The following ZMAT4 variants were observed in gnomAD, a reference collection of about 807,000 sequenced individuals.
ZMAT4 encodes the protein zinc finger matrin-type 4.
Under a neutral mutation model 28.7 loss-of-function variants are expected in ZMAT4, and 17 were observed. The ratio of observed to expected loss-of-function variants is 0.59; its 90% CI spans 0.41 to 0.89. The LOEUF is 0.89. Among genes scored for constraint, ZMAT4 ranks in the 40% least tolerant of loss-of-function variants. The probability of loss-of-function intolerance (pLI) is 0.00; values close to 1 mark genes in which losing one functional copy is unlikely to be tolerated. For synonymous variants in ZMAT4, 117 were observed against 109.2 expected (o/e 1.07, Z -0.44); for missense variants, 240 against 283.8 (o/e 0.85, Z 1.11).
At position 40,783,898 on chromosome 8, in the gene ZMAT4, C is replaced by T. The variant is rs934745395; in HGVS notation, c.103-16168G>A. 1.5e-4 allele frequency among the ~76,000 whole-genome samples: 23 copies of T among 152,142 alleles called. 1 individual carries two copies. On this transcript the variant is annotated intron_variant, in intron 2 of 6. Coordinates refer to ENST00000297737, the MANE Select transcript of ZMAT4 (RefSeq NM_024645.3). ...TGGTGGCAGGTGCCTGTAATCCCAG[C>T]TACTTGGGAGGTTGAGGCAGGAGAA...
At chr8:40,681,479 T>C (rs986003708) in intron 4 of ZMAT4, among the ~76,000 whole-genome samples, 2 of 152,220 alleles carry the variant, frequency 1.3e-5, no homozygotes, top group Non-Finnish European at 2.9e-5. Flanking sequence ...TTAGATTAGA[T>C]CATTCAGTGA....
At chr8:40,644,688 G>T (rs555499236) in intron 5 of ZMAT4, among the ~76,000 whole-genome samples, 2 of 152,202 alleles carry the variant, frequency 1.3e-5, no homozygotes, top group South Asian at 2.1e-4. Context: ...CTTAAGGCTG[G>T]GGTGTGCATA....
At chr8:40,680,919 G>A (rs1338370394) in intron 4 of ZMAT4, among the ~76,000 whole-genome samples, 1 of 152,106 alleles carries the variant, frequency 6.6e-6, no homozygotes, top group South Asian at 2.1e-4. Context: ...TTGATATAGA[G>A]AAATAAAGCC....
At chr8:40,808,643 AC>A in intron 2 of ZMAT4, 1 of 432,932 alleles carries the variant, frequency 2.3e-6, no homozygotes, top group Admixed American at 2.5e-5. Context: ...TTACATGGTC[AC>A]ATTAGACATC....
intron 1 of ZMAT4, among the ~76,000 whole-genome samples, chr8:40,874,954 T>A (rs1817987479): frequency 6.6e-6 from 1 of 152,200 alleles, no homozygotes; most frequent in African/African-American, 2.4e-5. Context: ...CTGTAGCACA[T>A]GGCGCACTCC....
intron 1 of ZMAT4, among the ~76,000 whole-genome samples, chr8:40,887,895 A>G: frequency 6.6e-6 from 1 of 152,128 alleles, no homozygotes; most frequent in East Asian, 1.9e-4. Flanking sequence ...TGTGGAGCCA[A>G]TCTGCCCCTG....
chr8:40,777,881 T>A (rs1813668714), intron 2 of ZMAT4, among the ~76,000 whole-genome samples: 1 of 152,236 alleles, frequency 6.6e-6, no homozygotes, highest in African/African-American at 2.4e-5. Context: ...TATTAGATTA[T>A]CTTTTTACCC....
chr8:40,640,930 G>C (rs563543579), intron 5 of ZMAT4, among the ~76,000 whole-genome samples: 11 of 149,902 alleles, frequency 7.3e-5, no homozygotes, highest in African/African-American at 2.7e-4. Context: ...CTGCACTCCA[G>C]CCTGGTTGAT....
At chr8:40,640,018 C>T (rs759356152) in intron 5 of ZMAT4, among the ~76,000 whole-genome samples, 1 of 152,168 alleles carries the variant, frequency 6.6e-6, no homozygotes, top group Non-Finnish European at 1.5e-5. Context: ...AGGTCTCACT[C>T]TGTCACCCTG....
At chr8:40,743,798 A>C (rs1206056946) in intron 3 of ZMAT4, among the ~76,000 whole-genome samples, 1 of 152,124 alleles carries the variant, frequency 6.6e-6, no homozygotes, top group African/African-American at 2.4e-5. Context: ...TTCTGGAGCC[A>C]CAGATCATGG....
At chr8:40,633,870 T>C (rs1340933133) in intron 5 of ZMAT4, among the ~76,000 whole-genome samples, 1 of 152,220 alleles carries the variant, frequency 6.6e-6, no homozygotes, top group South Asian at 2.1e-4. Flanking sequence ...AGGAGCACCA[T>C]GAAGCTCTGC....
chr8:40,698,770 G>C (rs1810003218), intron 3 of ZMAT4, among the ~76,000 whole-genome samples: 1 of 152,194 alleles, frequency 6.6e-6, no homozygotes, highest in Non-Finnish European at 1.5e-5. Flanking sequence ...ATCCTTGGAA[G>C]GAAGGGGTTG....
intron 5 of ZMAT4, among the ~76,000 whole-genome samples, chr8:40,645,077 C>T (rs193174144): frequency 3.3e-5 from 5 of 152,184 alleles, no homozygotes; most frequent in African/African-American, 1.2e-4. Flanking sequence ...AAAAAGGACA[C>T]TCAGTAAAAA....
At chr8:40,890,834 T>C (rs76855254) in intron 1 of ZMAT4, among the ~76,000 whole-genome samples, 33 of 151,934 alleles carry the variant, frequency 2.2e-4, no homozygotes, top group Admixed American at 6.6e-4. Flanking sequence ...GGATGGAGTT[T>C]TGCTACCGTG....
intron 3 of ZMAT4, among the ~76,000 whole-genome samples, chr8:40,750,927 A>G (rs1231605031): frequency 6.6e-6 from 1 of 152,176 alleles, no homozygotes; most frequent in Non-Finnish European, 1.5e-5. Flanking sequence ...TATTCAAACT[A>G]CCCTAAACAA....
intron 1 of ZMAT4, among the ~76,000 whole-genome samples, chr8:40,862,453 G>A (rs985482161): frequency 5.4e-5 from 8 of 148,210 alleles, no homozygotes; most frequent in Non-Finnish European, 1.2e-4. Context: ...ATAGCATTGG[G>A]AGATATACCT....
At chr8:40,674,080 CT>C (rs59753899) in intron 5 of ZMAT4, among the ~76,000 whole-genome samples, 14,240 of 107,464 alleles carry the variant, frequency 0.13, 518 homozygotes, top group African/African-American at 0.2. Context: ...TTTTTATCAT[CT>C]TTTTTTTTTT....
At chr8:40,867,554 T>A (rs766425437) in intron 1 of ZMAT4, among the ~76,000 whole-genome samples, 1 of 152,170 alleles carries the variant, frequency 6.6e-6, no homozygotes, top group Non-Finnish European at 1.5e-5. Context: ...TAACTCTCTG[T>A]CCTCATTCCT....
At chr8:40,679,453 G>T (rs952037382) in intron 4 of ZMAT4, among the ~76,000 whole-genome samples, 2 of 152,116 alleles carry the variant, frequency 1.3e-5, no homozygotes, top group African/African-American at 4.8e-5. Context: ...GGCTGGGGAG[G>T]CTTCAGGAAA....
Sources: allele counts gnomAD v4.1 joint callset (sites outside exome capture counted in the v4.1 genomes callset), GRCh38; gene constraint gnomAD v4.1.1; transcripts MANE v1.5; gene names NCBI Gene and HGNC (gene_info 2026-07-23, HGNC 2026-07-21).